TRIQK: variants seen among roughly 807,000 people sequenced by gnomAD.
The protein encoded by TRIQK is triple QxxK/R motif-containing protein.
In TRIQK, 10 loss-of-function variants were observed where a neutral mutation model predicts 10.8. The observed-to-expected ratio is 0.92, with a 90% CI of 0.57 to 1.57. The LOEUF is 1.57. Among genes scored for constraint, TRIQK ranks in the 40% most tolerant of loss-of-function variants. TRIQK has a pLI of 0.00. For synonymous variants in TRIQK, 33 were observed against 33.7 expected (o/e 0.98, Z 0.07); for missense variants, 107 against 97.7 (o/e 1.09, Z -0.40).
chr8:93,013,763 A>G (rs1813358456), intron 1 of TRIQK, among the ~76,000 whole-genome samples: 1 of 152,120 alleles, frequency 6.6e-6, no homozygotes, highest in South Asian at 2.1e-4. Context: ...AAACAATTCC[A>G]TTTTCTTAAA....
intron 1 of TRIQK, among the ~76,000 whole-genome samples, chr8:92,975,687 C>G (rs991357109): frequency 7.9e-5 from 12 of 151,254 alleles, no homozygotes; most frequent in Non-Finnish European, 1.8e-4. Flanking sequence ...CCATTTTTAT[C>G]TTTATTTCAT....
chr8:92,905,580 GT>G (rs949880200), intron 3 of TRIQK, among the ~76,000 whole-genome samples: 3 of 152,092 alleles, frequency 2.0e-5, no homozygotes, highest in Non-Finnish European at 2.9e-5. Flanking sequence ...TCATGTTCTT[GT>G]TTTTTAAACC....
intron 2 of TRIQK, chr8:92,954,087 C>G (rs1257907188): frequency 6.6e-6 from 1 of 151,762 alleles, no homozygotes; most frequent in African/African-American, 2.4e-5. Flanking sequence ...TACTGAACAT[C>G]AAGACAGACC....
At chr8:92,929,869 A>G (rs1325591002) in intron 2 of TRIQK, among the ~76,000 whole-genome samples, 2 of 152,184 alleles carry the variant, frequency 1.3e-5, no homozygotes, top group Admixed American at 1.3e-4. Flanking sequence ...AAAAGAAGAT[A>G]GGTTAGTTAA....
At chr8:92,994,605 T>C (rs187723007) in intron 1 of TRIQK, among the ~76,000 whole-genome samples, 11 of 152,132 alleles carry the variant, frequency 7.2e-5, no homozygotes, top group African/African-American at 1.9e-4. Context: ...TTTTCTAATT[T>C]TTTACTAGGT....
intron 1 of TRIQK, among the ~76,000 whole-genome samples, chr8:92,961,357 A>G (rs1812446524): frequency 6.6e-6 from 1 of 151,990 alleles, no homozygotes; most frequent in Admixed American, 6.6e-5. Context: ...TCTTTTTAAA[A>G]CTGTACCTTC....
At chr8:92,970,094 C>G (rs1320040752), upstream of TRIQK, among the ~76,000 whole-genome samples, 1 of 152,120 alleles carries the variant, frequency 6.6e-6, no homozygotes, top group Non-Finnish European at 1.5e-5. Flanking sequence ...GCTTCTGGCT[C>G]CATTCACGTT....
At chr8:92,894,188 T>A (rs1233206153) in intron 3 of TRIQK, among the ~76,000 whole-genome samples, 1 of 152,096 alleles carries the variant, frequency 6.6e-6, no homozygotes, top group Non-Finnish European at 1.5e-5. Context: ...AAGCAGTGCA[T>A]CTGTCATAAA....
chr8:92,976,545 T>C (rs1032601253), intron 1 of TRIQK, among the ~76,000 whole-genome samples: 6 of 152,142 alleles, frequency 3.9e-5, no homozygotes, highest in African/African-American at 1.2e-4. Context: ...TTCTCTTTTT[T>C]GTAGACAACA....
At chr8:92,912,536 G>A (rs558165832) in intron 3 of TRIQK, among the ~76,000 whole-genome samples, 3 of 151,642 alleles carry the variant, frequency 2.0e-5, no homozygotes, top group Non-Finnish European at 4.4e-5. Context: ...TAAGCACAAA[G>A]TTGCCAGGAA....
chr8:92,923,150 A>G (rs1018186659), intron 2 of TRIQK, among the ~76,000 whole-genome samples: 3 of 151,972 alleles, frequency 2.0e-5, no homozygotes, highest in African/African-American at 7.2e-5. Flanking sequence ...TGACTCAGAC[A>G]TGTAGAACCT....
chr8:92,962,258 C>A (rs79567639), intron 1 of TRIQK, among the ~76,000 whole-genome samples: 3 of 152,290 alleles, frequency 2.0e-5, no homozygotes, highest in Non-Finnish European at 4.4e-5. Flanking sequence ...TACCAAAAAA[C>A]CACAAAATTC....
At chr8:92,931,381 C>T (rs1810715674) in intron 2 of TRIQK, among the ~76,000 whole-genome samples, 1 of 152,012 alleles carries the variant, frequency 6.6e-6, no homozygotes, top group South Asian at 2.1e-4. Context: ...CTACTGAAAA[C>T]CTTTTCTGAG....
intron 1 of TRIQK, among the ~76,000 whole-genome samples, chr8:92,989,911 T>TA (rs949484939): frequency 7.3e-5 from 11 of 151,040 alleles, no homozygotes; most frequent in African/African-American, 1.9e-4. Flanking sequence ...CTCATTTGTT[T>TA]AAAAAAAAAT....
chr8:92,977,748 T>C (rs911819340), intron 1 of TRIQK, among the ~76,000 whole-genome samples: 6 of 152,162 alleles, frequency 3.9e-5, no homozygotes, highest in African/African-American at 1.2e-4. Context: ...TTTTACCTTG[T>C]TGGGTTCTGG....
chr8:92,979,449 A>G (rs1353229134), intron 1 of TRIQK, among the ~76,000 whole-genome samples: 1 of 152,100 alleles, frequency 6.6e-6, no homozygotes, highest in African/African-American at 2.4e-5. Flanking sequence ...GCCTAAGCAT[A>G]TCACCAGATA....
chr8:92,995,940 A>G (rs1813150394), intron 1 of TRIQK, among the ~76,000 whole-genome samples: 1 of 152,062 alleles, frequency 6.6e-6, no homozygotes, highest in South Asian at 2.1e-4. Flanking sequence ...TCTAAGAATA[A>G]TAGAATAGAT....
rs900012277 is a variant in TRIQK at position 92,900,429 on chromosome 8, T to C, written c.62-8355A>G. On this transcript the variant is annotated intron_variant, in intron 3 of 4. Coordinates refer to ENST00000521988, the MANE Select transcript of TRIQK (RefSeq NM_001171797.2). ...TTTGATTTTTGTATATGGTAAAAGATAGGGTTCTAGTTGCAGTCTTCTGAA... is the reference window on the plus strand; with the variant it reads ...TTTGATTTTTGTATATGGTAAAAGACAGGGTTCTAGTTGCAGTCTTCTGAA... Among the ~76,000 whole-genome samples, 5 of 152,160 alleles carry C rather than the reference T, an allele frequency of 3.3e-5. No individual in the cohort carries two copies. In the East Asian group the frequency reaches 7.7e-4, roughly 23 times the overall value.
At chr8:92,946,762 CTT>C (rs1274409030) in intron 2 of TRIQK, among the ~76,000 whole-genome samples, 1 of 141,912 alleles carries the variant, frequency 7.0e-6, no homozygotes, top group African/African-American at 2.6e-5. Context: ...TTTTATTTTA[CTT>C]TTTTTTTTTT....
Sources: gnomAD v4.1 joint callset for allele counts (sites outside exome capture counted in the v4.1 genomes callset) on GRCh38, gnomAD v4.1.1 for gene constraint, MANE v1.5 for transcripts, NCBI Gene and HGNC (gene_info 2026-07-23, HGNC 2026-07-21) for gene names.